PLA2G12A: variants seen among roughly 807,000 people sequenced by gnomAD.
The protein encoded by PLA2G12A is group XIIA secretory phospholipase A2.
Under a neutral mutation model 16.0 loss-of-function variants are expected in PLA2G12A, and 11 were observed. That is an observed-to-expected ratio of 0.69 (90% CI 0.43 to 1.13). PLA2G12A has a LOEUF of 1.13. PLA2G12A is among the 50% of genes most tolerant of loss of function. The probability of loss-of-function intolerance (pLI) is 0.00; values close to 1 mark genes in which losing one functional copy is unlikely to be tolerated. For synonymous variants in PLA2G12A, 77 were observed against 93.8 expected (o/e 0.82, Z 1.03); for missense variants, 214 against 237.3 (o/e 0.90, Z 0.65).
chr4:109,717,567 T>C lies in PLA2G12A; in HGVS notation c.432A>G (p.Gly144=), dbSNP rs753990435. The change falls in exon 3 of 4, where the codon GGA becomes GGG. Residue 144 remains glycine, a synonymous_variant. Transcript: ENST00000243501. ...KICRDVQKTL[G]LTQHVQACET... is the part of the protein sequence containing the mutation. Reference sequence around the variant, plus strand: ...CCTTACCCTGAACATGCTGAGTTAGTCCTAGTGTTTTCTGTACATCTCGGC... The same window carrying C: ...CCTTACCCTGAACATGCTGAGTTAGCCCTAGTGTTTTCTGTACATCTCGGC... 28 of 1,613,698 alleles carry C rather than the reference T, an allele frequency of 1.7e-5. No individual in the cohort carries two copies. The South Asian group carries it at 2.9e-4, about 16-fold the overall frequency.
Position 109,714,194 on chromosome 4 carries a change from C to T in PLA2G12A, c.*183G>A. ...AAGATACCTGAGAAGACAAGCGTGC[C>T]CTCCCCTCACTATCTCCCTCACTTT... is the stretch of plus-strand genomic sequence containing the variant. On this transcript the variant is annotated 3_prime_UTR_variant, in exon 4 of 4. Transcript: ENST00000243501. The T allele has an allele frequency of 5.1e-6, 3 of 591,900 alleles. No individual in the cohort carries two copies. Among genetic ancestry groups the T allele is most frequent in the South Asian group, 4.2e-5 (2 of 47,784 alleles). 36.7% of individuals were successfully genotyped at this position (591,900 alleles called of 1,614,324 possible). A position where few individuals can be genotyped will look rare whatever the true frequency, so the allele number is the denominator to read the frequency against.
intron 1 of PLA2G12A, among the ~76,000 whole-genome samples, chr4:109,719,100 A>G (rs564920560): frequency 6.6e-6 from 1 of 152,340 alleles, no homozygotes; most frequent in African/African-American, 2.4e-5. Context: ...GATAGGGTTC[A>G]TATGTATGAA....
intron 3 of PLA2G12A, among the ~76,000 whole-genome samples, chr4:109,715,336 C>G (rs988945063): frequency 6.6e-6 from 1 of 152,152 alleles, no homozygotes; most frequent in Non-Finnish European, 1.5e-5. Flanking sequence ...ACTGATCATA[C>G]ATCAGTTAAG....
intron 1 of PLA2G12A, among the ~76,000 whole-genome samples, chr4:109,719,433 T>C (rs529617053): frequency 6.6e-6 from 1 of 152,164 alleles, no homozygotes; most frequent in Admixed American, 6.5e-5. Context: ...ACTCCAGAAG[T>C]ACTGTAGTTC....
rs1165918699 is a variant in PLA2G12A, at chr4:109,711,051, GCCT to G, written c.*3323_*3325del. On this transcript the variant is annotated 3_prime_UTR_variant, in exon 4 of 4. Transcript: ENST00000243501. The stretch of plus-strand genomic sequence containing the variant: ...AAAGAGCTGCTGACAGTTAGTTCTT[GCCT>G]TTTTTTTTTTTTTTTTTTTTTTGCT... 3 of 84,622 alleles carry G rather than the reference GCCT, an allele frequency of 3.5e-5. No individual in the cohort carries two copies. Among genetic ancestry groups the G allele is most frequent in the African/African-American group, 1.9e-4 (3 of 16,088 alleles). The allele number at this position is 84,622 out of a possible 1,614,324, so 5.2% of individuals were successfully genotyped here. A position where few individuals can be genotyped will look rare whatever the true frequency, so the allele number is the denominator to read the frequency against.
At chr4:109,727,102 C>T (rs879260138) in intron 1 of PLA2G12A, among the ~76,000 whole-genome samples, 3 of 151,296 alleles carry the variant, frequency 2.0e-5, no homozygotes, top group Non-Finnish European at 4.4e-5. Flanking sequence ...CGAGTAACAG[C>T]AATTTTATTA....
chr4:109,728,483 ACATCTT>A (rs1198480018), intron 1 of PLA2G12A, among the ~76,000 whole-genome samples: 4 of 152,352 alleles, frequency 2.6e-5, no homozygotes, highest in Admixed American at 2.0e-4. Context: ...AAGAATAAAA[ACATCTT>A]CATGAAGCAT....
chr4:109,720,011 G>A (rs1450262330), intron 1 of PLA2G12A, among the ~76,000 whole-genome samples: 1 of 152,152 alleles, frequency 6.6e-6, no homozygotes, highest in Non-Finnish European at 1.5e-5. Flanking sequence ...GTCACCTACT[G>A]GCTCTTTGAA....
Position 109,713,699 on chromosome 4 carries a change from T to C in PLA2G12A, c.*678A>G, listed in dbSNP as rs184692241. 6 of 152,366 alleles carry C rather than the reference T, an allele frequency of 3.9e-5. No individual in the cohort carries two copies. In the East Asian group the frequency reaches 1.2e-3, roughly 29 times the overall value. 9.4% of individuals were successfully genotyped at this position (152,366 alleles called of 1,614,324 possible). ...GCATTCACATCACCTTCTAGGCATA[T>C]TACATAACACTTAGCTATCCTGGGG... On this transcript the variant is annotated 3_prime_UTR_variant, in exon 4 of 4. Transcript: ENST00000243501.
intron 1 of PLA2G12A, among the ~76,000 whole-genome samples, chr4:109,727,036 T>G (rs1038551307): frequency 5.3e-5 from 8 of 152,130 alleles, no homozygotes; most frequent in African/African-American, 1.7e-4. Flanking sequence ...TGGTTCTGAT[T>G]TGGTCACCTG....
intron 1 of PLA2G12A, among the ~76,000 whole-genome samples, chr4:109,728,012 T>G (rs1236636343): frequency 2.6e-5 from 4 of 152,232 alleles, no homozygotes; most frequent in Non-Finnish European, 4.4e-5. Context: ...AGAGTCATCC[T>G]TGACTGGCCT....
intron 3 of PLA2G12A, among the ~76,000 whole-genome samples, chr4:109,715,826 TTTTC>T (rs1730820490): frequency 1.3e-5 from 2 of 152,240 alleles, no homozygotes; most frequent in Admixed American, 6.5e-5. Flanking sequence ...ATTTATTTAC[TTTTC>T]TTATTCTAAG....
Position 109,718,741 on chromosome 4 carries a change from C to T in PLA2G12A, c.227G>A (p.Arg76His), listed in dbSNP as rs771775332. 6.3e-6 allele frequency: 10 copies of T among 1,595,850 alleles called. No individual in the cohort carries two copies. The highest frequency in any genetic ancestry group is 2.2e-5 in the East Asian group (1 of 44,538). Residue 76 changes from arginine (R) to histidine (H), a missense_variant, in exon 2 of 4, where the codon CGT becomes CAT. By Grantham distance (29) the Arg-to-His change is conservative. Coordinates refer to ENST00000243501, the MANE Select transcript of PLA2G12A (RefSeq NM_030821.5). The part of the protein sequence containing the change: ...KCSDGSKPFP[R>H]YGYKPSPPNG... ...CGGTGGGGAGGGTTTATAACCATAA[C>T]GTGGGAAAGGCTTAGATCCTATAAA...
intron 1 of PLA2G12A, among the ~76,000 whole-genome samples, chr4:109,726,316 C>G (rs1028752463): frequency 6.6e-6 from 1 of 152,220 alleles, no homozygotes. Context: ...TTTCCACGGT[C>G]TTCCCCATAT....
intron 1 of PLA2G12A, among the ~76,000 whole-genome samples, chr4:109,727,299 C>T (rs574023667): frequency 4.6e-5 from 7 of 151,882 alleles, no homozygotes; most frequent in South Asian, 2.1e-4. Context: ...TTAGTAGAGA[C>T]GGGGTTTCAC....
chr4:109,724,425 T>C (rs1722888802), intron 1 of PLA2G12A, among the ~76,000 whole-genome samples: 1 of 152,126 alleles, frequency 6.6e-6, no homozygotes, highest in South Asian at 2.1e-4. Context: ...CCCGGCCTTT[T>C]TTTTTTAATC....
intron 1 of PLA2G12A, among the ~76,000 whole-genome samples, chr4:109,721,567 G>A (rs989164665): frequency 1.3e-5 from 2 of 152,098 alleles, no homozygotes; most frequent in African/African-American, 2.4e-5. Context: ...TGATCCACCC[G>A]CCTCGGCCTC....
At chr4:109,727,377 C>T (rs559605180) in intron 1 of PLA2G12A, among the ~76,000 whole-genome samples, 1 of 152,138 alleles carries the variant, frequency 6.6e-6, no homozygotes, top group East Asian at 1.9e-4. Flanking sequence ...TCCCAAAGTG[C>T]TGGGATTACA....
rs770519732 is a variant in PLA2G12A, at chr4:109,717,617, A to C, written c.382T>G (p.Phe128Val). 1.2e-6 allele frequency: 2 copies of C among 1,613,852 alleles called. No homozygotes were observed. Among genetic ancestry groups the C allele is most frequent in the Non-Finnish European group, 8.5e-7 (1 of 1,179,714 alleles). Reference protein sequence around the residue: ...GKSKNDCDEEFQYCLSKICRD... With the variant: ...GKSKNDCDEEVQYCLSKICRD... ...CAGATCTTGGAGAGGCAATACTGGA[A>C]TTCTTCATCACAGTCATTCTTGCTT... The change falls in exon 3 of 4, where the codon TTC becomes GTC. Residue 128 changes from phenylalanine to valine, a missense_variant. By Grantham distance (50) the Phe-to-Val change is conservative. Coordinates refer to ENST00000243501, the MANE Select transcript of PLA2G12A (RefSeq NM_030821.5).
Sources: allele counts gnomAD v4.1 joint callset (sites outside exome capture counted in the v4.1 genomes callset), GRCh38; gene constraint gnomAD v4.1.1; transcripts MANE v1.5; gene names NCBI Gene and HGNC (gene_info 2026-07-23, HGNC 2026-07-21).